Variants in CPED1 observed in about 807,000 individuals in gnomAD.
CPED1 encodes cadherin-like and PC-esterase domain-containing protein 1.
A neutral mutation model predicts 128.2 loss-of-function variants in CPED1; 114 were observed. That is an observed-to-expected ratio of 0.89 (90% CI 0.76 to 1.04). The LOEUF (loss-of-function observed/expected upper bound fraction) is 1.04, where lower values mean the gene tolerates loss of function less well. Among genes scored for constraint, CPED1 ranks in the 50% least tolerant of loss-of-function variants. CPED1 has a pLI of 0.00. For synonymous variants in CPED1, 462 were observed against 426.7 expected (o/e 1.08, Z -1.02); for missense variants, 1,211 against 1,207.1 (o/e 1.00, Z -0.05).
chr7:121,099,952 A>G lies in CPED1; in HGVS notation c.776A>G (p.His259Arg), dbSNP rs775313324. Residue 259 changes from histidine to arginine, a missense_variant, in exon 7 of 23, where the codon CAT (histidine) becomes CGT (arginine). By Grantham distance (29) the His-to-Arg change is conservative. Coordinates refer to ENST00000310396, the MANE Select transcript of CPED1 (RefSeq NM_024913.5). ...AATGAAACGACAGTCCTTGCTCCAC[A>G]TGAAACAATCTTTCGAGCCGAAGAT... ...QLNETTVLAP[H>R]ETIFRAEDLS... is the part of the protein sequence containing the mutation. 4 of 1,613,138 alleles carry G rather than the reference A, an allele frequency of 2.5e-6. No individual in the cohort carries two copies. Among genetic ancestry groups the G allele is most frequent in the Non-Finnish European group, 3.4e-6 (4 of 1,179,752 alleles).
intron 5 of CPED1, among the ~76,000 whole-genome samples, chr7:121,075,703 A>T (rs942497453): frequency 6.6e-6 from 1 of 152,118 alleles, no homozygotes; most frequent in Non-Finnish European, 1.5e-5. Context: ...ACCTCACGTG[A>T]TCCACCCATC....
chr7:121,115,156 A>G (rs142741930), intron 7 of CPED1, among the ~76,000 whole-genome samples: 231 of 152,312 alleles, frequency 1.5e-3, no homozygotes, highest in African/African-American at 5.1e-3. Flanking sequence ...AGTAGTCAGT[A>G]CTCAGGGCAC....
chr7:121,237,480 A>G (rs1269902604), intron 17 of CPED1, among the ~76,000 whole-genome samples: 1 of 152,142 alleles, frequency 6.6e-6, no homozygotes, highest in Admixed American at 6.6e-5. Flanking sequence ...ACTGTGTTAA[A>G]TCCTGCCTAA....
chr7:121,058,171 T>C (rs1793551245), intron 4 of CPED1, among the ~76,000 whole-genome samples: 3 of 152,114 alleles, frequency 2.0e-5, no homozygotes, highest in South Asian at 4.1e-4. Context: ...ATGGGGCCAT[T>C]GGAACTGTCG....
chr7:121,257,226 T>C (rs1791906046), intron 18 of CPED1, among the ~76,000 whole-genome samples: 1 of 151,790 alleles, frequency 6.6e-6, no homozygotes, highest in Non-Finnish European at 1.5e-5. Context: ...AAGTTGAAGT[T>C]TGGGGAAAAA....
intron 3 of CPED1, among the ~76,000 whole-genome samples, chr7:121,036,510 T>A (rs1350200436): frequency 0.023 from 3,244 of 138,980 alleles, 63 homozygotes; most frequent in African/African-American, 0.063. Context: ...TATATATATT[T>A]TTTTTTTCTT....
rs527281153 is a variant in CPED1, at chr7:121,278,523, G to A, written c.2868+7093G>A. Among the ~76,000 whole-genome samples, 6 of 152,286 alleles carry A rather than the reference G, an allele frequency of 3.9e-5. No homozygotes were observed. In the East Asian group the frequency reaches 1.2e-3, roughly 29 times the overall value. ...AAAAATCTTTCAATGACCCTGTGCT[G>A]AAGATGAGTCACAGATTCCTACACT... On this transcript the variant is annotated intron_variant, in intron 22 of 22. Coordinates refer to ENST00000310396, the MANE Select transcript of CPED1 (RefSeq NM_024913.5).
In CPED1 at chr7:121,128,382, G is replaced by T. The variant is rs200333617; in HGVS notation, c.1303G>T (p.Gly435Cys). 1.4e-5 allele frequency: 21 copies of T among 1,539,924 alleles called. No homozygotes were observed. The highest frequency in any genetic ancestry group is 1.9e-5 in the Non-Finnish European group (21 of 1,113,326). ...AAGTTCTTTCCCCCTACCAATACAGGGTGAAAACTATCAAAAGGAACTAAA... is the reference window on the plus strand; with the variant it reads ...AAGTTCTTTCCCCCTACCAATACAGTGTGAAAACTATCAAAAGGAACTAAA... ...QRLYRSDVFK[G>C]ENYQKELNQC... Residue 435 changes from glycine to cysteine, a missense_variant and splice_region_variant, in exon 11 of 23, where the codon GGT (glycine) becomes TGT (cysteine). Physicochemically the swap from Gly to Cys is radical, Grantham distance 159 (BLOSUM62 -3). Transcript: ENST00000310396.
intron 22 of CPED1, among the ~76,000 whole-genome samples, chr7:121,285,340 T>C (rs1792543578): frequency 1.3e-5 from 2 of 152,330 alleles, no homozygotes; most frequent in Admixed American, 1.3e-4. Context: ...TGAAGGTCTC[T>C]GACATGCCCT....
chr7:121,009,430 C>T (rs957717367), intron 2 of CPED1, among the ~76,000 whole-genome samples: 2 of 151,764 alleles, frequency 1.3e-5, no homozygotes, highest in East Asian at 1.9e-4. Context: ...GTGGTAAAAG[C>T]CCCATCTTTA....
intron 5 of CPED1, among the ~76,000 whole-genome samples, chr7:121,083,273 TG>T (rs1225832146): frequency 6.6e-6 from 1 of 152,204 alleles, no homozygotes; most frequent in Non-Finnish European, 1.5e-5. Flanking sequence ...GGATTCATGA[TG>T]AGTCAGATGT....
At chr7:121,147,658 C>T (rs1796057176) in intron 16 of CPED1, among the ~76,000 whole-genome samples, 1 of 151,890 alleles carries the variant, frequency 6.6e-6, no homozygotes. Flanking sequence ...ACATTTTGCC[C>T]TCAAAATGTT....
chr7:121,084,823 C>G (rs769308977), intron 5 of CPED1, among the ~76,000 whole-genome samples: 1 of 152,162 alleles, frequency 6.6e-6, no homozygotes, highest in Non-Finnish European at 1.5e-5. Context: ...TACTCAGCAT[C>G]GTAGCAGCTG....
intron 16 of CPED1, among the ~76,000 whole-genome samples, chr7:121,144,693 T>C (rs1463328057): frequency 6.6e-6 from 1 of 152,040 alleles, no homozygotes; most frequent in African/African-American, 2.4e-5. Flanking sequence ...GGAATGTTCC[T>C]AACACAAAGA....
intron 22 of CPED1, among the ~76,000 whole-genome samples, chr7:121,273,124 CCTT>C (rs1260058250): frequency 6.6e-6 from 1 of 151,968 alleles, no homozygotes; most frequent in Admixed American, 6.6e-5. Flanking sequence ...TTCTGGCTTG[CCTT>C]CTTTTGTAAA....
At position 121,125,801 on chromosome 7, in the gene CPED1, C is replaced by T. The variant is rs1584530382; in HGVS notation, c.1062-19C>T. On this transcript the variant is annotated intron_variant, in intron 8 of 22. Transcript: ENST00000310396. ...TGCATGTATCTTTACTTTTATGGTA[C>T]CTTGTGTTTTCATTTTAGATGCAGA... 1 of 1,583,658 alleles carries T rather than the reference C, an allele frequency of 6.3e-7. No homozygotes were observed. The highest frequency in any genetic ancestry group is 8.7e-7 in the Non-Finnish European group (1 of 1,153,328).
chr7:121,280,805 T>G (rs1169171298), intron 22 of CPED1, among the ~76,000 whole-genome samples: 1 of 152,224 alleles, frequency 6.6e-6, no homozygotes, highest in Non-Finnish European at 1.5e-5. Flanking sequence ...TTATTCCACT[T>G]TTGTGAATTC....
At chr7:121,128,527 G>C in intron 11 of CPED1, 41 bp downstream of exon 11, 1 of 990,690 alleles carries the variant, frequency 1.0e-6, no homozygotes, top group Non-Finnish European at 1.6e-6. Context: ...TGGTGACTGG[G>C]ATTAGAGTAG....
chr7:120,999,796 G>A (rs182280088), intron 2 of CPED1, among the ~76,000 whole-genome samples: 26 of 152,194 alleles, frequency 1.7e-4, no homozygotes, highest in African/African-American at 6.0e-4. Flanking sequence ...ATGCATATGG[G>A]TGAAAAATTG....
Sources: allele counts gnomAD v4.1 joint callset (sites outside exome capture counted in the v4.1 genomes callset), GRCh38; gene constraint gnomAD v4.1.1; transcripts MANE v1.5; gene names NCBI Gene and HGNC (gene_info 2026-07-23, HGNC 2026-07-21).